The following AGTPBP1 variants were observed in gnomAD, a reference collection of about 807,000 sequenced individuals.
AGTPBP1 encodes the protein cytosolic carboxypeptidase 1.
A neutral mutation model predicts 143.9 loss-of-function variants in AGTPBP1; 70 were observed. The observed-to-expected ratio is 0.49, with a 90% CI of 0.40 to 0.59. AGTPBP1 has a LOEUF of 0.59. AGTPBP1 is among the 20% of genes least tolerant of loss of function. The probability of loss-of-function intolerance (pLI) is 0.00; values close to 1 mark genes in which losing one functional copy is unlikely to be tolerated. For synonymous variants in AGTPBP1, 463 were observed against 500.2 expected (o/e 0.93, Z 0.99); for missense variants, 1,229 against 1,464.5 (o/e 0.84, Z 2.62).
At chr9:85,738,276 T>C (rs1164224917) in intron 1 of AGTPBP1, among the ~76,000 whole-genome samples, 1 of 151,804 alleles carries the variant, frequency 6.6e-6, no homozygotes, top group Non-Finnish European at 1.5e-5. Flanking sequence ...AGAGTTTTAA[T>C]ATTAGATCCC....
the AGTPBP1 span, among the ~76,000 whole-genome samples, chr9:85,792,428 T>G: frequency 2.0e-5 from 3 of 152,228 alleles, no homozygotes; most frequent in African/African-American, 7.2e-5. Context: ...CTTTTGAAAT[T>G]CCCATCACCT....
chr9:85,547,400 A>G, intron 25 of AGTPBP1, 114 bp from the exon 26 acceptor site: 2 of 895,160 alleles, frequency 2.2e-6, no homozygotes, highest in Non-Finnish European at 3.1e-6. Context: ...AAGCTGCATT[A>G]ACTTTAAAAA....
At chr9:85,637,752 A>T (rs2133771159) in intron 13 of AGTPBP1, among the ~76,000 whole-genome samples, 1 of 152,358 alleles carries the variant, frequency 6.6e-6, no homozygotes, top group African/African-American at 2.4e-5. Flanking sequence ...AAATGTGTCA[A>T]AACTCACTGA....
intron 2 of AGTPBP1, among the ~76,000 whole-genome samples, chr9:85,705,821 G>A (rs1366328325): frequency 6.6e-6 from 1 of 152,056 alleles, no homozygotes; most frequent in South Asian, 2.1e-4. Flanking sequence ...CTCCCGAGTA[G>A]CTGGGAATAC....
At chr9:85,711,579 A>C (rs937090252) in intron 2 of AGTPBP1, among the ~76,000 whole-genome samples, 1 of 151,746 alleles carries the variant, frequency 6.6e-6, no homozygotes, top group African/African-American at 2.4e-5. Flanking sequence ...AGCTGGGACT[A>C]CAGGCGCCTA....
intron 17 of AGTPBP1, among the ~76,000 whole-genome samples, chr9:85,608,663 T>C (rs1830129718): frequency 6.6e-6 from 1 of 151,936 alleles, no homozygotes; most frequent in Non-Finnish European, 1.5e-5. Context: ...TATATTAAGA[T>C]ATAATATAAG....
chr9:85,772,592 T>G, the AGTPBP1 span, among the ~76,000 whole-genome samples: 3 of 151,986 alleles, frequency 2.0e-5, no homozygotes, highest in Admixed American at 2.0e-4. Flanking sequence ...ACGAAAAAAT[T>G]TTTTAAAAAA....
intron 25 of AGTPBP1, among the ~76,000 whole-genome samples, chr9:85,572,292 C>G (rs1322651529): frequency 6.6e-6 from 1 of 151,920 alleles, no homozygotes; most frequent in Non-Finnish European, 1.5e-5. Flanking sequence ...CTCGGCCTTC[C>G]AAAGTGCTGG....
intron 14 of AGTPBP1, among the ~76,000 whole-genome samples, chr9:85,628,937 A>C (rs1329066577): frequency 6.6e-6 from 1 of 151,906 alleles, no homozygotes; most frequent in African/African-American, 2.4e-5. Flanking sequence ...GGATGGTCTC[A>C]ATCTCCTGAC....
intron 25 of AGTPBP1, among the ~76,000 whole-genome samples, chr9:85,570,020 A>G (rs926730186): frequency 3.3e-5 from 5 of 152,216 alleles, no homozygotes; most frequent in Admixed American, 3.3e-4. Flanking sequence ...TATTACCTGC[A>G]GAGGACAAGA....
chr9:85,612,460 G>A lies in AGTPBP1; in HGVS notation c.2335+6523C>T, dbSNP rs545980938. On this transcript the variant is annotated intron_variant, in intron 17 of 25. Transcript: ENST00000357081. ...ATGGGGAAAAAAGCTCCTGTACCCA[G>A]GACCCTTCTGGACCTACCTGTTCAT... Among the ~76,000 whole-genome samples the A allele has an allele frequency of 5.3e-5, 8 of 152,324 alleles. No homozygotes were observed. In the South Asian group the frequency reaches 1.0e-3, roughly 20 times the overall value.
chr9:85,782,057 T>C, the AGTPBP1 span, among the ~76,000 whole-genome samples: 4 of 152,222 alleles, frequency 2.6e-5, no homozygotes, highest in Non-Finnish European at 5.9e-5. Flanking sequence ...ATAACTTTGA[T>C]AATTTAGGTA....
At chr9:85,752,141 G>T in the AGTPBP1 span, among the ~76,000 whole-genome samples, 1 of 152,214 alleles carries the variant, frequency 6.6e-6, no homozygotes, top group African/African-American at 2.4e-5. Context: ...GGAGGCTGAA[G>T]CATGAGAATT....
chr9:85,665,991 T>G (rs956274297), intron 8 of AGTPBP1, among the ~76,000 whole-genome samples: 1 of 152,146 alleles, frequency 6.6e-6, no homozygotes, highest in East Asian at 1.9e-4. Flanking sequence ...TTGAAATGCA[T>G]AGTTTGTAGT....
At chr9:85,561,704 C>A (rs1826739178) in intron 25 of AGTPBP1, among the ~76,000 whole-genome samples, 1 of 151,962 alleles carries the variant, frequency 6.6e-6, no homozygotes, top group African/African-American at 2.4e-5. Context: ...ACAATAATAT[C>A]TGTAAAGTTA....
chr9:85,575,773 T>C (rs887598242), intron 24 of AGTPBP1, among the ~76,000 whole-genome samples: 1 of 152,204 alleles, frequency 6.6e-6, no homozygotes, highest in African/African-American at 2.4e-5. Flanking sequence ...GTGACGTTAC[T>C]TGTAGAATTC....
intron 25 of AGTPBP1, among the ~76,000 whole-genome samples, chr9:85,566,670 GAT>G (rs1333523860): frequency 6.6e-6 from 1 of 151,536 alleles, no homozygotes; most frequent in East Asian, 1.9e-4. Context: ...ATAGAAATAA[GAT>G]ATATATCTCC....
At chr9:85,747,322 G>C in the AGTPBP1 span, among the ~76,000 whole-genome samples, 1 of 152,056 alleles carries the variant, frequency 6.6e-6, no homozygotes, top group African/African-American at 2.4e-5. Flanking sequence ...CTCCCACCTT[G>C]CTCTTCTTTT....
In AGTPBP1 at chr9:85,725,080, C is replaced by A. The variant is rs546986064; in HGVS notation, c.-33-12514G>T. Reference sequence around the variant, plus strand: ...TCCCCTGCACCCTGCAGCTACACTTCCAGTTGTAACTTAAGTCTACCAAAT... The same window carrying A: ...TCCCCTGCACCCTGCAGCTACACTTACAGTTGTAACTTAAGTCTACCAAAT... On this transcript the variant is annotated intron_variant, in intron 1 of 25. Coordinates refer to ENST00000357081, the MANE Select transcript of AGTPBP1 (RefSeq NM_001330701.2). Among the ~76,000 whole-genome samples, 4 of 152,324 alleles carry A rather than the reference C, an allele frequency of 2.6e-5. No individual in the cohort carries two copies. The East Asian group carries it at 7.7e-4, about 29-fold the overall frequency.
Sources: allele counts gnomAD v4.1 joint callset (sites outside exome capture counted in the v4.1 genomes callset), GRCh38; gene constraint gnomAD v4.1.1; transcripts MANE v1.5; gene names NCBI Gene and HGNC (gene_info 2026-07-23, HGNC 2026-07-21).